The following SLC24A2 variants were observed in gnomAD, a reference collection of about 807,000 sequenced individuals.
SLC24A2 encodes solute carrier family 24 member 2.
Under a neutral mutation model 62.0 loss-of-function variants are expected in SLC24A2, and 36 were observed. The observed-to-expected ratio is 0.58, with a 90% confidence interval of 0.44 to 0.77. The LOEUF (loss-of-function observed/expected upper bound fraction) is 0.77. Ranked by LOEUF, SLC24A2 falls within the 30% of genes least tolerant of loss-of-function variation. The pLI, the probability that SLC24A2 is intolerant of heterozygous loss-of-function variation, is 0.00. For synonymous variants in SLC24A2, 358 were observed against 294.0 expected (o/e 1.22, Z -2.23); for missense variants, 846 against 817.9 (o/e 1.03, Z -0.42).
chr9:20,242,422 C>T, the SLC24A2 span, among the ~76,000 whole-genome samples: 6 of 152,192 alleles, frequency 3.9e-5, no homozygotes, highest in African/African-American at 1.2e-4. Flanking sequence ...CAACTGCAAA[C>T]GAGGAAATCC....
chr9:20,224,915 G>C, the SLC24A2 span, among the ~76,000 whole-genome samples: 4 of 152,054 alleles, frequency 2.6e-5, no homozygotes, highest in South Asian at 4.1e-4. Flanking sequence ...ATGTCTGGGA[G>C]CTTGCACTCT....
chr9:19,859,691 G>A, the SLC24A2 span, among the ~76,000 whole-genome samples: 7 of 152,180 alleles, frequency 4.6e-5, no homozygotes, highest in Non-Finnish European at 7.3e-5. Flanking sequence ...AAGAGACACT[G>A]AAGAGGTACA....
intron 2 of SLC24A2, among the ~76,000 whole-genome samples, chr9:19,678,225 T>G (rs1819615325): frequency 6.6e-6 from 1 of 152,178 alleles, no homozygotes; most frequent in Non-Finnish European, 1.5e-5. Flanking sequence ...TTTCCTTTGT[T>G]ATTCTGACTC....
chr9:20,014,359 A>C, the SLC24A2 span, among the ~76,000 whole-genome samples: 1 of 152,076 alleles, frequency 6.6e-6, no homozygotes, highest in Non-Finnish European at 1.5e-5. Context: ...CGTATGACCC[A>C]GTAACCCCAC....
the SLC24A2 span, among the ~76,000 whole-genome samples, chr9:19,983,532 G>C: frequency 2.0e-5 from 3 of 152,022 alleles, no homozygotes; most frequent in Admixed American, 6.6e-5. Context: ...AGTCCCAGCT[G>C]CTCGGGAGGC....
At chr9:19,877,429 A>G in the SLC24A2 span, among the ~76,000 whole-genome samples, 3 of 148,108 alleles carry the variant, frequency 2.0e-5, no homozygotes, top group Non-Finnish European at 4.5e-5. Context: ...TTTCATAACC[A>G]ATTTAAAATT....
At chr9:19,550,686 T>C (rs7869741) in intron 7 of SLC24A2, among the ~76,000 whole-genome samples, 107,550 of 150,506 alleles carry the variant, frequency 0.71, 40,771 homozygotes, top group East Asian at 1. Context: ...AGAGCACTGA[T>C]AAAAAATATT....
At chr9:19,800,899 A>T in the SLC24A2 span, among the ~76,000 whole-genome samples, 5 of 152,196 alleles carry the variant, frequency 3.3e-5, no homozygotes, top group African/African-American at 1.2e-4. Context: ...GGAGAGGATG[A>T]GTCTTCTCTG....
the SLC24A2 span, among the ~76,000 whole-genome samples, chr9:20,300,243 A>G: frequency 2.6e-5 from 4 of 152,162 alleles, no homozygotes; most frequent in African/African-American, 9.7e-5. Flanking sequence ...CCCCTTGAGC[A>G]TTTATCCTTT....
the SLC24A2 span, among the ~76,000 whole-genome samples, chr9:19,982,285 G>A: frequency 1.3e-5 from 2 of 152,180 alleles, no homozygotes; most frequent in Non-Finnish European, 2.9e-5. Context: ...GTGAGTGTGT[G>A]CAAGGTGTGC....
chr9:20,202,870 A>T, the SLC24A2 span, among the ~76,000 whole-genome samples: 2 of 152,228 alleles, frequency 1.3e-5, no homozygotes, highest in Non-Finnish European at 2.9e-5. Context: ...TTTCCCCAAA[A>T]CACTTAATTT....
rs150396968 is a variant in SLC24A2, at chr9:19,741,441, G to A, written c.930+44496C>T. Among the ~76,000 whole-genome samples the A allele has an allele frequency of 1.1e-3, 171 of 152,236 alleles. 1 individual carries two copies. Among genetic ancestry groups the A allele is most frequent in the Admixed American group, 3.5e-3 (54 of 15,288 alleles). ...CTTCACAGCAGGTGAATTCAATGGC[G>A]CAGTTTTTCCAACACTCACATAACA... On this transcript the variant is annotated intron_variant, in intron 2 of 10. Coordinates refer to ENST00000341998, the MANE Select transcript of SLC24A2 (RefSeq NM_020344.4).
intron 2 of SLC24A2, among the ~76,000 whole-genome samples, chr9:19,740,045 C>A (rs908399514): frequency 2.0e-5 from 3 of 152,136 alleles, no homozygotes; most frequent in African/African-American, 7.2e-5. Context: ...CAATGGGGTA[C>A]CATGACACGC....
At chr9:19,556,694 A>G (rs1217330348) in intron 7 of SLC24A2, among the ~76,000 whole-genome samples, 1 of 152,194 alleles carries the variant, frequency 6.6e-6, no homozygotes, top group African/African-American at 2.4e-5. Context: ...AAGCCTGTTC[A>G]GTGTGGAATG....
intron 7 of SLC24A2, among the ~76,000 whole-genome samples, chr9:19,571,701 T>C (rs918776411): frequency 5.3e-5 from 8 of 152,210 alleles, no homozygotes; most frequent in African/African-American, 1.9e-4. Flanking sequence ...AACACTGAGC[T>C]AGGTAAAATG....
chr9:19,690,030 G>A (rs990623252), intron 2 of SLC24A2, among the ~76,000 whole-genome samples: 7 of 152,048 alleles, frequency 4.6e-5, no homozygotes, highest in African/African-American at 1.4e-4. Context: ...TAGGCTTTTC[G>A]AATTTCCAGA....
the SLC24A2 span, among the ~76,000 whole-genome samples, chr9:19,919,778 G>T: frequency 2.0e-5 from 3 of 152,226 alleles, no homozygotes; most frequent in Non-Finnish European, 4.4e-5. Flanking sequence ...CAGGGCAAAG[G>T]GGGGCGGAAA....
chr9:19,687,468 C>T (rs1819917141), intron 2 of SLC24A2, among the ~76,000 whole-genome samples: 1 of 151,982 alleles, frequency 6.6e-6, no homozygotes, highest in Admixed American at 6.6e-5. Flanking sequence ...CAGACAAATT[C>T]CTTTGTCCAT....
the SLC24A2 span, among the ~76,000 whole-genome samples, chr9:19,892,035 C>G: frequency 0.32 from 48,738 of 151,980 alleles, 8,084 homozygotes; most frequent in East Asian, 0.59. Flanking sequence ...GATTGAGTTC[C>G]CTCCCTTCCC....
Sources: gnomAD v4.1 joint callset for allele counts (sites outside exome capture counted in the v4.1 genomes callset) on GRCh38, gnomAD v4.1.1 for gene constraint, MANE v1.5 for transcripts, NCBI Gene and HGNC (gene_info 2026-07-23, HGNC 2026-07-21) for gene names.